The following BRD10 variants were observed in gnomAD, a reference collection of about 807,000 sequenced individuals.
BRD10 encodes the protein bromodomain containing 10, also known as uncharacterized bromodomain-containing protein 10.
At chr9:5,925,340 C>A in the BRD10 span, among the ~76,000 whole-genome samples, 1 of 132,752 alleles carries the variant, frequency 7.5e-6, no homozygotes. Flanking sequence ...GCCTGGGCGA[C>A]AGAGCGAGAC....
the BRD10 span, chr9:5,929,281 C>T: frequency 1.7e-5 from 9 of 531,770 alleles, no homozygotes; most frequent in Middle Eastern, 4.7e-4. Flanking sequence ...TCTTCAGAAG[C>T]TTGCAGAAAG....
At chr9:5,939,702 C>A in the BRD10 span, among the ~76,000 whole-genome samples, 3 of 152,200 alleles carry the variant, frequency 2.0e-5, no homozygotes, top group East Asian at 5.8e-4. Context: ...AGGCCCTTAG[C>A]AAATACAGGC....
chr9:5,911,311 A>C, the BRD10 span, among the ~76,000 whole-genome samples: 1 of 151,172 alleles, frequency 6.6e-6, no homozygotes, highest in South Asian at 2.1e-4. Context: ...TCCTTTTCCC[A>C]ATGTATGTTC....
chr9:5,992,115 C>T, the BRD10 span, among the ~76,000 whole-genome samples: 3 of 152,200 alleles, frequency 2.0e-5, no homozygotes, highest in Admixed American at 1.3e-4. Context: ...ACTCTCTATT[C>T]TTACACTAGT....
At chr9:5,958,267 T>C in the BRD10 span, among the ~76,000 whole-genome samples, 8 of 152,234 alleles carry the variant, frequency 5.3e-5, no homozygotes, top group African/African-American at 1.9e-4. Flanking sequence ...ATATATTTTA[T>C]ACTGTAACTG....
chr9:5,945,096 G>C, the BRD10 span: 1 of 445,090 alleles, frequency 2.2e-6, no homozygotes, highest in African/African-American at 2.0e-5. Flanking sequence ...GAAAAGCTCT[G>C]CAGTTTATAT....
At chr9:5,920,007 G>C in the BRD10 span, 20 of 1,613,904 alleles carry the variant, frequency 1.2e-5, no homozygotes, top group Non-Finnish European at 1.7e-5. Context: ...GTTGGTACAG[G>C]AGGTGGAACA....
the BRD10 span, among the ~76,000 whole-genome samples, chr9:5,905,123 T>A: frequency 2.0e-5 from 3 of 152,266 alleles, no homozygotes; most frequent in East Asian, 3.9e-4. Flanking sequence ...GTTTGCAACA[T>A]ACATTTACAA....
the BRD10 span, among the ~76,000 whole-genome samples, chr9:5,888,475 G>A: frequency 1.3e-5 from 2 of 152,208 alleles, no homozygotes; most frequent in Non-Finnish European, 1.5e-5. Flanking sequence ...TTAGACTATG[G>A]AAATGTTGGA....
the BRD10 span, among the ~76,000 whole-genome samples, chr9:5,951,692 CAAATA>C: frequency 6.6e-6 from 1 of 152,132 alleles, no homozygotes; most frequent in Non-Finnish European, 1.5e-5. Context: ...GTGGAAGACT[CAAATA>C]AAGTAACACA....
the BRD10 span, among the ~76,000 whole-genome samples, chr9:5,996,837 T>C: frequency 1.1e-3 from 172 of 152,316 alleles, 1 homozygote; most frequent in African/African-American, 4.0e-3. Flanking sequence ...GCTACAGCTA[T>C]TCCTACTTCT....
the BRD10 span, chr9:5,922,336 G>C: frequency 1.2e-5 from 19 of 1,613,990 alleles, no homozygotes; most frequent in Non-Finnish European, 1.6e-5. Context: ...TGGGCAAGGA[G>C]AATGTGGCTG....
chr9:5,955,670 C>G, the BRD10 span, among the ~76,000 whole-genome samples: 31 of 149,084 alleles, frequency 2.1e-4, no homozygotes, highest in Admixed American at 1.6e-3. Context: ...GTTTAACTGT[C>G]TTATTTTAAT....
the BRD10 span, among the ~76,000 whole-genome samples, chr9:6,005,121 G>A: frequency 9.2e-5 from 14 of 152,198 alleles, no homozygotes; most frequent in Non-Finnish European, 1.8e-4. Context: ...GGGAATATAA[G>A]TATTCTGAGC....
At chr9:6,003,101 C>T in the BRD10 span, among the ~76,000 whole-genome samples, 2 of 152,102 alleles carry the variant, frequency 1.3e-5, no homozygotes, top group Non-Finnish European at 2.9e-5. Context: ...ATACATGTAC[C>T]ATTTTTTAAC....
At chr9:5,931,960 T>A in the BRD10 span, among the ~76,000 whole-genome samples, 1 of 152,176 alleles carries the variant, frequency 6.6e-6, no homozygotes, top group Non-Finnish European at 1.5e-5. Context: ...ACTGCCTGTT[T>A]TATGTATCAT....
At chr9:5,885,086 G>C in the BRD10 span, among the ~76,000 whole-genome samples, 1 of 152,328 alleles carries the variant, frequency 6.6e-6, no homozygotes, top group Admixed American at 6.5e-5. Flanking sequence ...CCTCCTGGCT[G>C]CTGGGGCTTC....
At chr9:5,953,797 TTTA>T in the BRD10 span, among the ~76,000 whole-genome samples, 1 of 152,030 alleles carries the variant, frequency 6.6e-6, no homozygotes, top group Admixed American at 6.6e-5. Context: ...AAAAAGGGTT[TTTA>T]TTATTAAAAG....
At chr9:5,920,827 C>T in the BRD10 span, 5 of 1,613,814 alleles carry the variant, frequency 3.1e-6, no homozygotes, top group Non-Finnish European at 4.2e-6. Context: ...TAGTTGAAAT[C>T]AGAACAGATG....
Sources: allele counts gnomAD v4.1 joint callset (sites outside exome capture counted in the v4.1 genomes callset), GRCh38; gene constraint gnomAD v4.1.1; transcripts MANE v1.5; gene names NCBI Gene and HGNC (gene_info 2026-07-23, HGNC 2026-07-21).